PTPRN2: variants seen among roughly 807,000 people sequenced by gnomAD.
PTPRN2 encodes the protein protein tyrosine phosphatase receptor type N2.
A neutral mutation model predicts 118.8 loss-of-function variants in PTPRN2; 74 were observed. That is an observed-to-expected ratio of 0.62 (90% CI 0.52 to 0.76). The LOEUF (loss-of-function observed/expected upper bound fraction) is 0.76, where lower values mean the gene tolerates loss of function less well. Ranked by LOEUF, PTPRN2 falls within the 30% of genes least tolerant of loss-of-function variation. The pLI, the probability that PTPRN2 is intolerant of heterozygous loss-of-function variation, is 0.00. For synonymous variants in PTPRN2, 641 were observed against 608.0 expected, an observed-to-expected ratio of 1.05 and a Z score of -0.80; for missense variants, 1,481 against 1,394.4, an observed-to-expected ratio of 1.06 and a Z score of -0.99.
At chr7:158,449,668 T>C (rs1178565547) in intron 2 of PTPRN2, among the ~76,000 whole-genome samples, 1 of 152,174 alleles carries the variant, frequency 6.6e-6, no homozygotes, top group African/African-American at 2.4e-5. Context: ...TTCTTTGCCT[T>C]AGTGATTTCC....
chr7:157,700,074 A>G (rs1444221844), intron 12 of PTPRN2, among the ~76,000 whole-genome samples: 1 of 152,174 alleles, frequency 6.6e-6, no homozygotes, highest in Non-Finnish European at 1.5e-5. Context: ...TCATTTCTGA[A>G]ATTCCCATTT....
intron 2 of PTPRN2, among the ~76,000 whole-genome samples, chr7:158,342,722 G>A (rs1371779781): frequency 1.3e-5 from 2 of 152,184 alleles, no homozygotes; most frequent in Middle Eastern, 3.2e-3. Context: ...AGAGCCCAGA[G>A]AGGTTGGGTG....
At chr7:158,112,034 T>C (rs1159530250) in intron 9 of PTPRN2, among the ~76,000 whole-genome samples, 7 of 151,852 alleles carry the variant, frequency 4.6e-5, no homozygotes, top group Admixed American at 4.6e-4. Context: ...CTCAGGCCAG[T>C]AGCAGCAGGG....
intron 2 of PTPRN2, among the ~76,000 whole-genome samples, chr7:158,326,517 G>A (rs1209445603): frequency 2.6e-5 from 4 of 152,232 alleles, no homozygotes; most frequent in African/African-American, 7.2e-5. Context: ...CACAATGTAT[G>A]CAGACACATG....
intron 13 of PTPRN2, among the ~76,000 whole-genome samples, chr7:157,659,242 C>T (rs1025315242): frequency 6.7e-6 from 1 of 149,946 alleles, no homozygotes; most frequent in Non-Finnish European, 1.5e-5. Context: ...AGCCTGCAGC[C>T]CCTGTGAGAG....
At chr7:158,219,583 T>C (rs1828196579) in intron 3 of PTPRN2, among the ~76,000 whole-genome samples, 2 of 151,706 alleles carry the variant, frequency 1.3e-5, no homozygotes, top group Non-Finnish European at 2.9e-5. Context: ...CAGAACTGAA[T>C]GAAATTGGGA....
At chr7:158,044,387 G>A (rs151079548) in intron 11 of PTPRN2, among the ~76,000 whole-genome samples, 11 of 152,232 alleles carry the variant, frequency 7.2e-5, no homozygotes, top group East Asian at 1.9e-4. Context: ...CCTTCTCCCC[G>A]CACATCCTGC....
At chr7:157,576,579 G>T in intron 19 of PTPRN2, 34 bp downstream of exon 19, 2 of 1,578,176 alleles carry the variant, frequency 1.3e-6, no homozygotes, top group South Asian at 2.3e-5. Flanking sequence ...CGCGCTCAGC[G>T]CGCACTGCCC....
chr7:158,376,901 C>T (rs57238479), intron 2 of PTPRN2, among the ~76,000 whole-genome samples: 1 of 28,002 alleles, frequency 3.6e-5, no homozygotes, highest in African/African-American at 1.3e-4. Context: ...CAGGGGACTC[C>T]CCCACAGCCC....
chr7:157,814,979 T>C (rs1175165564), intron 12 of PTPRN2, among the ~76,000 whole-genome samples: 1 of 152,192 alleles, frequency 6.6e-6, no homozygotes, highest in African/African-American at 2.4e-5. Flanking sequence ...GTGACGGTGA[T>C]GTTTGATTTC....
intron 14 of PTPRN2, among the ~76,000 whole-genome samples, chr7:157,641,443 C>T (rs866545178): frequency 2.6e-5 from 4 of 152,122 alleles, no homozygotes; most frequent in South Asian, 2.1e-4. Context: ...ATTTTAGAAA[C>T]GTCACTGCAA....
At chr7:158,302,306 T>C (rs1263855686) in intron 3 of PTPRN2, among the ~76,000 whole-genome samples, 4 of 152,206 alleles carry the variant, frequency 2.6e-5, no homozygotes, top group African/African-American at 9.6e-5. Flanking sequence ...AGTTACAGTC[T>C]CTTGCTCCCT....
intron 12 of PTPRN2, among the ~76,000 whole-genome samples, chr7:157,692,680 A>T (rs905941254): frequency 3.3e-5 from 5 of 152,284 alleles, no homozygotes; most frequent in Admixed American, 3.3e-4. Flanking sequence ...AGCGGGCTGC[A>T]GGAGGCCCGG....
intron 12 of PTPRN2, among the ~76,000 whole-genome samples, chr7:157,792,667 G>A (rs1804589844): frequency 1.3e-5 from 2 of 152,156 alleles, no homozygotes; most frequent in South Asian, 2.1e-4. Context: ...AGGCTTGTCC[G>A]CTGGCCACAC....
chr7:157,608,315 G>C (rs1296332194), intron 15 of PTPRN2, among the ~76,000 whole-genome samples: 3 of 152,142 alleles, frequency 2.0e-5, no homozygotes. Context: ...TGATCCACCT[G>C]CCTCGGCCTC....
intron 12 of PTPRN2, among the ~76,000 whole-genome samples, chr7:157,835,635 G>C (rs1231043816): frequency 6.6e-6 from 1 of 152,152 alleles, no homozygotes; most frequent in Non-Finnish European, 1.5e-5. Flanking sequence ...CAGGGCGCTC[G>C]GGAGGGTGCA....
At chr7:158,156,747 G>C (rs975052247) in intron 6 of PTPRN2, among the ~76,000 whole-genome samples, 3 of 152,260 alleles carry the variant, frequency 2.0e-5, no homozygotes, top group Non-Finnish European at 4.4e-5. Flanking sequence ...CCCTACACCT[G>C]CCCTGTGCCC....
In PTPRN2 at chr7:158,428,012, A is replaced by G. The variant is rs11975249; in HGVS notation, c.163+61723T>C. Among the ~76,000 whole-genome samples the G allele has an allele frequency of 2.2e-4, 27 of 123,034 alleles. No individual in the cohort carries two copies. The South Asian group carries it at 3.2e-3, about 15-fold the overall frequency. The allele number at this position is 123,034 out of a possible 152,430, so 80.7% of individuals were successfully genotyped here. Reference sequence around the variant, plus strand: ...CTGCACAGCGCCGGGAAAGACGCAGAGTCCGAGACCAGCCTAGCTGAGTCC... The same window carrying G: ...CTGCACAGCGCCGGGAAAGACGCAGGGTCCGAGACCAGCCTAGCTGAGTCC... On this transcript the variant is annotated intron_variant, in intron 2 of 22. Transcript: ENST00000389418.
intron 3 of PTPRN2, among the ~76,000 whole-genome samples, chr7:158,313,034 A>G (rs1488174183): frequency 6.6e-6 from 1 of 151,690 alleles, no homozygotes; most frequent in Admixed American, 6.6e-5. Context: ...GTATCTACAC[A>G]TGAGCACGTG....
Sources: gnomAD v4.1 joint callset for allele counts (sites outside exome capture counted in the v4.1 genomes callset) on GRCh38, gnomAD v4.1.1 for gene constraint, MANE v1.5 for transcripts, NCBI Gene and HGNC (gene_info 2026-07-23, HGNC 2026-07-21) for gene names.